Variants in CRACDL observed in about 807,000 individuals in gnomAD.
CRACDL encodes the protein CRACD like.
A neutral mutation model predicts 70.6 loss-of-function variants in CRACDL; 26 were observed. That is an observed-to-expected ratio of 0.37 (90% confidence interval 0.27 to 0.51). The LOEUF is 0.51. CRACDL is among the 20% of genes least tolerant of loss of function. The pLI is 0.94. For synonymous variants in CRACDL, 618 were observed against 615.2 expected (o/e 1.00, Z -0.07); for missense variants, 1,283 against 1,376.9 (o/e 0.93, Z 1.08).
At chr2:98,845,721 C>T (rs755169257) in intron 2 of CRACDL, among the ~76,000 whole-genome samples, 5 of 152,110 alleles carry the variant, frequency 3.3e-5, no homozygotes, top group Non-Finnish European at 7.4e-5. Flanking sequence ...TTTATTCAAA[C>T]ATTTATTGTT....
At chr2:98,888,539 G>A (rs1213781854) in intron 1 of CRACDL, among the ~76,000 whole-genome samples, 1 of 152,112 alleles carries the variant, frequency 6.6e-6, no homozygotes, top group Admixed American at 6.6e-5. Context: ...AATGGCAAGG[G>A]AATTAAAATG....
intron 1 of CRACDL, among the ~76,000 whole-genome samples, chr2:98,888,509 A>G (rs1707855247): frequency 5.3e-5 from 8 of 152,238 alleles, no homozygotes; most frequent in Admixed American, 5.2e-4. Context: ...TAAGAAAATA[A>G]CTAAAAAAAT....
At chr2:98,815,490 T>C (rs948318316) in intron 7 of CRACDL, among the ~76,000 whole-genome samples, 74 of 152,334 alleles carry the variant, frequency 4.9e-4, no homozygotes, top group African/African-American at 1.7e-3. Context: ...AGCACCTTCT[T>C]GTGACTGGGA....
At chr2:98,796,954 CATG>C (rs1372601847) in intron 8 of CRACDL, among the ~76,000 whole-genome samples, 5 of 152,198 alleles carry the variant, frequency 3.3e-5, no homozygotes, top group African/African-American at 4.8e-5. Flanking sequence ...CTCCTCACAG[CATG>C]ATAAGCTGGG....
At chr2:98,905,694 T>A (rs1708394208) in intron 1 of CRACDL, among the ~76,000 whole-genome samples, 2 of 151,554 alleles carry the variant, frequency 1.3e-5, no homozygotes, top group African/African-American at 2.4e-5. Flanking sequence ...AGTGGCACGA[T>A]CTCTGCTCCA....
chr2:98,879,025 C>T (rs1454384112), intron 1 of CRACDL, among the ~76,000 whole-genome samples: 2 of 152,224 alleles, frequency 1.3e-5, no homozygotes, highest in Admixed American at 1.3e-4. Flanking sequence ...ATTACCACCA[C>T]CCTGGCCCTG....
chr2:98,821,807 T>C (rs762134940), intron 7 of CRACDL, 50 bp downstream of exon 7: 1 of 1,584,514 alleles, frequency 6.3e-7, no homozygotes, highest in African/African-American at 1.4e-5. Context: ...TGCCCGTGGA[T>C]GTGGATCTCC....
At chr2:98,874,191 G>T (rs1707421750) in intron 1 of CRACDL, among the ~76,000 whole-genome samples, 1 of 152,172 alleles carries the variant, frequency 6.6e-6, no homozygotes, top group African/African-American at 2.4e-5. Flanking sequence ...GCTGTGTGTT[G>T]TTCAGGGTGA....
At chr2:98,836,672 G>T (rs926769687) in intron 3 of CRACDL, among the ~76,000 whole-genome samples, 1 of 152,156 alleles carries the variant, frequency 6.6e-6, no homozygotes, top group Non-Finnish European at 1.5e-5. Context: ...AGAGACAGGG[G>T]TGGATGGGGG....
chr2:98,900,557 G>T (rs553462410), intron 1 of CRACDL, among the ~76,000 whole-genome samples: 1 of 152,232 alleles, frequency 6.6e-6, no homozygotes, highest in Admixed American at 6.5e-5. Context: ...AAAAGAACAG[G>T]GGTGGGAGTA....
rs564340967 is a variant in CRACDL at position 98,906,542 on chromosome 2, G to A, written c.-11+29396C>T. Among the ~76,000 whole-genome samples the A allele has an allele frequency of 6.6e-5, 8 of 120,696 alleles. No individual in the cohort carries two copies. In the South Asian group the frequency reaches 7.6e-4, roughly 11 times the overall value. The allele number at this position is 120,696 out of a possible 152,430, so 79.2% of individuals were successfully genotyped here. ...CTCCCAAAGTGCTGGGATTACAGGC[G>A]TGAGCCATTGCACCTGGCCATCCAA... On this transcript the variant is annotated intron_variant, in intron 1 of 9. Coordinates refer to ENST00000397899, the MANE Select transcript of CRACDL (RefSeq NM_207362.3).
intron 7 of CRACDL, among the ~76,000 whole-genome samples, chr2:98,804,780 T>C (rs996249356): frequency 6.6e-6 from 1 of 152,234 alleles, no homozygotes; most frequent in Non-Finnish European, 1.5e-5. Context: ...AAATAAAGCA[T>C]CTTTAAACAG....
intron 1 of CRACDL, chr2:98,869,424 T>C: frequency 2.2e-6 from 1 of 464,636 alleles, no homozygotes; most frequent in Non-Finnish European, 3.4e-6. Flanking sequence ...AAGGCCGGGA[T>C]GGGGGTGGCC....
chr2:98,898,020 G>A (rs1573166800), intron 1 of CRACDL, among the ~76,000 whole-genome samples: 1 of 152,194 alleles, frequency 6.6e-6, no homozygotes. Flanking sequence ...CAATGCAGCT[G>A]GGGAAGCTGC....
chr2:98,838,041 G>T, intron 3 of CRACDL, 78 bp downstream of exon 3: 1 of 1,309,626 alleles, frequency 7.6e-7, no homozygotes, highest in Non-Finnish European at 1.0e-6. Flanking sequence ...AGGGGGCTCA[G>T]AAATCCAGCA....
At chr2:98,889,287 GA>G (rs1432954183) in intron 1 of CRACDL, among the ~76,000 whole-genome samples, 1 of 21,502 alleles carries the variant, frequency 4.7e-5, no homozygotes, top group African/African-American at 8.5e-4. Flanking sequence ...AAAAGAGAGA[GA>G]AAGAAAGAAA....
chr2:98,861,887 G>T (rs1706951522), intron 1 of CRACDL, among the ~76,000 whole-genome samples: 2 of 152,310 alleles, frequency 1.3e-5, no homozygotes, highest in South Asian at 4.1e-4. Flanking sequence ...AGAAGCCAGT[G>T]TAAGCAAAAG....
At chr2:98,933,811 A>G (rs1229874659) in intron 1 of CRACDL, among the ~76,000 whole-genome samples, 1 of 152,162 alleles carries the variant, frequency 6.6e-6, no homozygotes, top group Non-Finnish European at 1.5e-5. Context: ...AGCTGAGTCC[A>G]TTTCAGCTGC....
intron 1 of CRACDL, among the ~76,000 whole-genome samples, chr2:98,934,333 G>C (rs944127438): frequency 2.6e-5 from 4 of 151,820 alleles, no homozygotes; most frequent in African/African-American, 9.7e-5. Context: ...CGAGTAGCTG[G>C]ATTACAGGCG....
Sources: gnomAD v4.1 joint callset for allele counts (sites outside exome capture counted in the v4.1 genomes callset) on GRCh38, gnomAD v4.1.1 for gene constraint, MANE v1.5 for transcripts, NCBI Gene and HGNC (gene_info 2026-07-23, HGNC 2026-07-21) for gene names.